Variants in NRCAM observed in about 807,000 individuals in gnomAD.
NRCAM encodes the protein NgCAM-related cell adhesion molecule.
NRCAM carries 83 observed loss-of-function variants against 156.5 expected under a neutral mutation model. The ratio of observed to expected loss-of-function variants is 0.53; its 90% CI spans 0.44 to 0.64. NRCAM has a LOEUF of 0.64. Among genes scored for constraint, NRCAM ranks in the 30% least tolerant of loss-of-function variants. The pLI is 0.00. For synonymous variants in NRCAM, 538 were observed against 563.9 expected (o/e 0.95, Z 0.65); for missense variants, 1,417 against 1,597.3 (o/e 0.89, Z 1.92).
intron 1 of NRCAM, among the ~76,000 whole-genome samples, chr7:108,453,957 T>A (rs1295435225): frequency 6.6e-6 from 1 of 152,118 alleles, no homozygotes; most frequent in East Asian, 1.9e-4. Context: ...TCATTTGCAG[T>A]CAAAACCGTG....
chr7:108,433,334 A>G (rs1828066501), intron 1 of NRCAM, among the ~76,000 whole-genome samples: 1 of 152,148 alleles, frequency 6.6e-6, no homozygotes, highest in Admixed American at 6.5e-5. Flanking sequence ...GGTCTTGGAT[A>G]TAGGCTCTGG....
At chr7:108,195,285 G>C (rs957970156) in intron 15 of NRCAM, among the ~76,000 whole-genome samples, 1 of 152,116 alleles carries the variant, frequency 6.6e-6, no homozygotes, top group African/African-American at 2.4e-5. Flanking sequence ...TTAACACAGA[G>C]CCAGTAGTTA....
At chr7:108,308,777 G>C (rs1440583365) in intron 3 of NRCAM, among the ~76,000 whole-genome samples, 1 of 152,174 alleles carries the variant, frequency 6.6e-6, no homozygotes, top group Non-Finnish European at 1.5e-5. Flanking sequence ...GGTGGGAGTG[G>C]TGAGAAGGGG....
chr7:108,299,114 A>AAAAAAAGAAAAAAG, intron 3 of NRCAM, among the ~76,000 whole-genome samples: 1 of 25,516 alleles, frequency 3.9e-5, no homozygotes, highest in African/African-American at 1.1e-4. Context: ...TCAAAAAAAA[A>AAAAAAAGAAAAAAG]AAAGAAAGAA....
In NRCAM at chr7:108,182,842, A is replaced by G; in HGVS notation, c.2383T>C (p.Trp795Arg). ...ACATTTGCCACAACCACAGATGTCCATTCATCATCACCATCTTTCTGGCGC... is the reference window on the plus strand; with the variant it reads ...ACATTTGCCACAACCACAGATGTCCGTTCATCATCACCATCTTTCTGGCGC... ...SWRQKDGDDE[W>R]TSVVVANVSK... The change falls in exon 23 of 33, where the codon TGG (tryptophan) becomes CGG (arginine). Residue 795 changes from tryptophan to arginine, a missense_variant. Around this residue, in one of 2 missense-constraint regions of NRCAM, gnomAD observed 1,238 missense variants for 1,336.4 expected, o/e 0.93. Transcript: ENST00000379028. The G allele has an allele frequency of 6.2e-7, 1 of 1,614,228 alleles. No individual in the cohort carries two copies. The highest frequency in any genetic ancestry group is 8.5e-7 in the Non-Finnish European group (1 of 1,180,028).
chr7:108,194,638 A>C (rs2073934238), intron 15 of NRCAM, among the ~76,000 whole-genome samples: 1 of 152,240 alleles, frequency 6.6e-6, no homozygotes, highest in Non-Finnish European at 1.5e-5. Context: ...CGGATGAAAC[A>C]AAGTGAGTGT....
At chr7:108,201,582 C>CAAT (rs1037455403) in intron 13 of NRCAM, among the ~76,000 whole-genome samples, 3 of 151,932 alleles carry the variant, frequency 2.0e-5, no homozygotes, top group South Asian at 2.1e-4. Flanking sequence ...GTTTTTACCA[C>CAAT]AATAATAATA....
intron 2 of NRCAM, among the ~76,000 whole-genome samples, chr7:108,391,218 G>T (rs955174888): frequency 6.6e-6 from 1 of 152,056 alleles, no homozygotes; most frequent in Non-Finnish European, 1.5e-5. Context: ...AAGTCTCTTT[G>T]TAGGTCACTA....
intron 3 of NRCAM, among the ~76,000 whole-genome samples, chr7:108,245,463 G>A (rs942446433): frequency 4.6e-5 from 7 of 152,150 alleles, no homozygotes; most frequent in Admixed American, 6.5e-5. Flanking sequence ...TACCACATGC[G>A]GGCCCTGGCC....
chr7:108,172,157 T>C (rs956188650), intron 28 of NRCAM, among the ~76,000 whole-genome samples: 5 of 152,234 alleles, frequency 3.3e-5, no homozygotes, highest in Non-Finnish European at 7.3e-5. Flanking sequence ...GCAATGGATA[T>C]GGCATTGTGG....
chr7:108,455,962 G>A (rs1195650629), intron 1 of NRCAM, among the ~76,000 whole-genome samples: 1 of 151,758 alleles, frequency 6.6e-6, no homozygotes, highest in Non-Finnish European at 1.5e-5. Context: ...GGAGGGGGTG[G>A]TGGGTGCCGG....
intron 3 of NRCAM, among the ~76,000 whole-genome samples, chr7:108,242,030 T>C (rs1232431069): frequency 6.6e-6 from 1 of 151,944 alleles, no homozygotes; most frequent in Non-Finnish European, 1.5e-5. Context: ...TCCAAGCATT[T>C]TGGGAGGCCG....
chr7:108,411,821 A>G (rs1003473215), intron 1 of NRCAM, among the ~76,000 whole-genome samples: 1 of 152,152 alleles, frequency 6.6e-6, no homozygotes, highest in African/African-American at 2.4e-5. Flanking sequence ...ATAAGCCACC[A>G]CACCCAGCCA....
chr7:108,404,317 G>T (rs185139255), intron 1 of NRCAM, among the ~76,000 whole-genome samples: 1 of 152,116 alleles, frequency 6.6e-6, no homozygotes, highest in Non-Finnish European at 1.5e-5. Context: ...GACCCATTAG[G>T]TGCCACAAGA....
At position 108,149,843 on chromosome 7, in the gene NRCAM, G is replaced by A. The variant is rs961880406; in HGVS notation, c.*67C>T. The A allele has an allele frequency of 5.5e-5, 70 of 1,271,618 alleles. No homozygotes were observed. Among genetic ancestry groups the A allele is most frequent in the Non-Finnish European group, 7.5e-5 (67 of 896,998 alleles). 78.8% of individuals were successfully genotyped at this position (1,271,618 alleles called of 1,614,324 possible). On this transcript the variant is annotated 3_prime_UTR_variant, in exon 33 of 33. Coordinates refer to ENST00000379028, the MANE Select transcript of NRCAM (RefSeq NM_001037132.4). ...CTACCCATATGTTCATAGTATGAGA[G>A]GGCTGACAAACAAGTGCTTAGGATA...
intron 28 of NRCAM, among the ~76,000 whole-genome samples, chr7:108,173,130 C>T (rs531758963): frequency 2.0e-4 from 31 of 151,832 alleles, no homozygotes; most frequent in Non-Finnish European, 3.7e-4. Context: ...GGATTACAGG[C>T]GCCCAACAAC....
In NRCAM at chr7:108,191,874, G is replaced by T. The variant is rs200680934; in HGVS notation, c.1779-21C>A. The stretch of plus-strand genomic sequence containing the variant: ...TGAACCTGTGGATAGAATGCATTCA[G>T]AGCAGCTGAAATGGACATGCAGCCG... On this transcript the variant is annotated intron_variant, in intron 17 of 32. Coordinates refer to ENST00000379028, the MANE Select transcript of NRCAM (RefSeq NM_001037132.4). The T allele has an allele frequency of 1.9e-6, 3 of 1,608,388 alleles. No homozygotes were observed. The African/African-American group carries it at 4.0e-5, about 21-fold the overall frequency.
chr7:108,232,576 C>A, intron 6 of NRCAM, 54 bp from the exon 7 acceptor site: 3 of 1,289,264 alleles, frequency 2.3e-6, no homozygotes, highest in Non-Finnish European at 3.2e-6. Flanking sequence ...AATGGGATTA[C>A]CTTAACAAAT....
intron 25 of NRCAM, among the ~76,000 whole-genome samples, chr7:108,178,962 C>T (rs1352752817): frequency 6.6e-6 from 1 of 152,266 alleles, no homozygotes; most frequent in African/African-American, 2.4e-5. Context: ...AAATCATATC[C>T]ATTTCTTCCT....
Sources: allele counts gnomAD v4.1 joint callset (sites outside exome capture counted in the v4.1 genomes callset), GRCh38; gene constraint gnomAD v4.1.1; regional missense constraint gnomAD v4.1.1; transcripts MANE v1.5; gene names NCBI Gene and HGNC (gene_info 2026-07-23, HGNC 2026-07-21).